TMC2: variants seen among roughly 807,000 people sequenced by gnomAD.
TMC2 encodes the protein transmembrane channel-like protein 2.
In TMC2, 102 loss-of-function variants were observed where a neutral mutation model predicts 105.9. The ratio of observed to expected loss-of-function variants is 0.96; its 90% CI spans 0.82 to 1.14. TMC2 has a LOEUF of 1.14. TMC2 is among the 50% of genes most tolerant of loss of function. The probability of loss-of-function intolerance (pLI) is 0.00; values close to 1 mark genes in which losing one functional copy is unlikely to be tolerated. For missense variants in TMC2, 1,093 were observed against 1,134.3 expected, an observed-to-expected ratio of 0.96 and a Z score of 0.52; for synonymous variants, 402 against 422.8, an observed-to-expected ratio of 0.95 and a Z score of 0.60.
At chr20:2,562,451 G>A (rs1408554167) in intron 4 of TMC2, among the ~76,000 whole-genome samples, 1 of 152,242 alleles carries the variant, frequency 6.6e-6, no homozygotes, top group Non-Finnish European at 1.5e-5. Flanking sequence ...CACGGTGAGT[G>A]GGAGAGGGTC....
At chr20:2,565,836 T>C (rs2122844274) in intron 4 of TMC2, among the ~76,000 whole-genome samples, 1 of 152,150 alleles carries the variant, frequency 6.6e-6, no homozygotes, top group Admixed American at 6.5e-5. Context: ...GGTCAAGAGT[T>C]CAAGACCAGC....
At chr20:2,580,201 C>A in intron 7 of TMC2, 145 bp downstream of exon 7, 2 of 480,496 alleles carry the variant, frequency 4.2e-6, no homozygotes, top group South Asian at 4.4e-5. Context: ...AATTGTTTTG[C>A]ATTAAAAGTA....
At chr20:2,556,980 A>G (rs2085989164) in intron 2 of TMC2, among the ~76,000 whole-genome samples, 1 of 151,406 alleles carries the variant, frequency 6.6e-6, no homozygotes. Flanking sequence ...AGGTAAGGTG[A>G]GTTTTTTCCT....
In TMC2 at chr20:2,597,145, C is replaced by T; in HGVS notation, c.1077-6C>T. ...AGACGTCACAACAGTGCTGTGTGCC[C>T]TACAGGATGGCCAGCAATACCCAAG... On this transcript the variant is annotated splice_region_variant and splice_polypyrimidine_tract_variant and intron_variant, in intron 9 of 19. Coordinates refer to ENST00000358864, the MANE Select transcript of TMC2 (RefSeq NM_080751.3). 6.2e-7 allele frequency: 1 copy of T among 1,613,316 alleles called. No homozygotes were observed. The highest frequency in any genetic ancestry group is 8.5e-7 in the Non-Finnish European group (1 of 1,179,772).
intron 4 of TMC2, among the ~76,000 whole-genome samples, chr20:2,568,225 G>C (rs7267717): frequency 0.036 from 5,554 of 152,222 alleles, 350 homozygotes; most frequent in African/African-American, 0.12. Context: ...CTTGTAGGCA[G>C]TCAGACAGAA....
intron 7 of TMC2, among the ~76,000 whole-genome samples, chr20:2,591,813 G>A (rs1320957153): frequency 6.6e-6 from 1 of 152,182 alleles, no homozygotes; most frequent in African/African-American, 2.4e-5. Context: ...TTTTTACAAT[G>A]AGTGTGTGTT....
chr20:2,545,574 T>A (rs2122800219), intron 2 of TMC2, among the ~76,000 whole-genome samples: 1 of 152,292 alleles, frequency 6.6e-6, no homozygotes, highest in Non-Finnish European at 1.5e-5. Context: ...TGTCAAATAA[T>A]GCTGTAAACT....
chr20:2,628,560 T>A (rs568996519), intron 17 of TMC2, among the ~76,000 whole-genome samples: 4 of 151,820 alleles, frequency 2.6e-5, no homozygotes, highest in African/African-American at 7.2e-5. Flanking sequence ...ATGGAGGCAG[T>A]TCCCCCCGTG....
intron 16 of TMC2, among the ~76,000 whole-genome samples, chr20:2,618,829 C>T (rs1256017439): frequency 6.6e-6 from 1 of 152,234 alleles, no homozygotes; most frequent in African/African-American, 2.4e-5. Context: ...TCAATGCACA[C>T]TCCTTTGTTA....
At chr20:2,569,458 C>T (rs909043931) in intron 4 of TMC2, among the ~76,000 whole-genome samples, 2 of 152,196 alleles carry the variant, frequency 1.3e-5, no homozygotes, top group Admixed American at 6.5e-5. Context: ...GGATATACTG[C>T]ATCATAAGTT....
intron 17 of TMC2, among the ~76,000 whole-genome samples, chr20:2,625,977 G>A (rs1600139103): frequency 6.6e-6 from 1 of 152,034 alleles, no homozygotes; most frequent in South Asian, 2.1e-4. Context: ...GTGTATTTTT[G>A]TTGTCATTTG....
At chr20:2,575,110 T>C (rs188698241) in intron 5 of TMC2, among the ~76,000 whole-genome samples, 26 of 152,322 alleles carry the variant, frequency 1.7e-4, no homozygotes, top group African/African-American at 5.8e-4. Context: ...TTTTATTAAT[T>C]TTGTCTAGAG....
Position 2,585,260 on chromosome 20 carries a change from T to C in TMC2, c.834+5204T>C, listed in dbSNP as rs906292491. Among the ~76,000 whole-genome samples the C allele has an allele frequency of 2.0e-5, 3 of 152,370 alleles. No individual in the cohort carries two copies. In the South Asian group the frequency reaches 6.2e-4, roughly 32 times the overall value. Reference sequence around the variant, plus strand: ...ATTCACCAGCTCATGGACATTTCAGTTGTTTCTATTTGGAAACTATTATGA... The same window carrying C: ...ATTCACCAGCTCATGGACATTTCAGCTGTTTCTATTTGGAAACTATTATGA... On this transcript the variant is annotated intron_variant, in intron 7 of 19. Transcript: ENST00000358864.
chr20:2,611,866 A>ATGGGTGGG (rs1231486508), intron 12 of TMC2, among the ~76,000 whole-genome samples: 1 of 85,814 alleles, frequency 1.2e-5, no homozygotes, highest in Admixed American at 1.3e-4. Context: ...GGATGGATGG[A>ATGGGTGGG]TGGGTGGGTG....
At chr20:2,635,322 T>C (rs1033773886) in intron 17 of TMC2, among the ~76,000 whole-genome samples, 1 of 149,980 alleles carries the variant, frequency 6.7e-6, no homozygotes, top group African/African-American at 2.5e-5. Flanking sequence ...ATTGTGCTTC[T>C]TCGGCAAACT....
At chr20:2,572,156 C>T (rs1600106528) in intron 4 of TMC2, 23 bp from the exon 5 acceptor site, 1 of 1,274,006 alleles carries the variant, frequency 7.8e-7, no homozygotes, top group South Asian at 1.3e-5. Flanking sequence ...TGAAATCCTG[C>T]TTTTTTTTTT....
At chr20:2,546,911 A>G (rs1417150148) in intron 2 of TMC2, among the ~76,000 whole-genome samples, 2 of 152,204 alleles carry the variant, frequency 1.3e-5, no homozygotes, top group East Asian at 3.9e-4. Flanking sequence ...CAATGAAGGC[A>G]TTCTAAAAGC....
rs2085851665 is a variant in TMC2 at position 2,536,716 on chromosome 20, AT to A, written c.34+62del. ...CAGGGTTCCTGGGCAGCAGCAGGGG[AT>A]GGGGGAAGCACATATGGTGTTCAGA... On this transcript the variant is annotated intron_variant, in intron 1 of 19. Transcript: ENST00000358864. 1.1e-5 allele frequency: 17 copies of A among 1,532,476 alleles called. No homozygotes were observed. The South Asian group carries it at 2.0e-4, about 18-fold the overall frequency. 94.9% of individuals were successfully genotyped at this position (1,532,476 alleles called of 1,614,324 possible). A position where few individuals can be genotyped will look rare whatever the true frequency, so the allele number is the denominator to read the frequency against.
chr20:2,605,888 G>A (rs933685702), intron 11 of TMC2, among the ~76,000 whole-genome samples: 17 of 152,286 alleles, frequency 1.1e-4, no homozygotes, highest in Admixed American at 5.2e-4. Context: ...GGTGCTGTCC[G>A]CAGAGCCTGT....
Sources: allele counts gnomAD v4.1 joint callset (sites outside exome capture counted in the v4.1 genomes callset), GRCh38; gene constraint gnomAD v4.1.1; transcripts MANE v1.5; gene names NCBI Gene and HGNC (gene_info 2026-07-23, HGNC 2026-07-21).